Variants in CA8 observed in about 807,000 individuals in gnomAD.
CA8 encodes the protein carbonic anhydrase-related protein.
CA8 carries 22 observed loss-of-function variants against 41.4 expected under a neutral mutation model. The observed-to-expected ratio is 0.53, with a 90% CI of 0.38 to 0.76. The LOEUF (loss-of-function observed/expected upper bound fraction) is 0.76, where lower values mean the gene tolerates loss of function less well. Among genes scored for constraint, CA8 ranks in the 30% least tolerant of loss-of-function variants. The pLI is 0.00. For synonymous variants in CA8, 121 were observed against 130.6 expected, an observed-to-expected ratio of 0.93 and a Z score of 0.50; for missense variants, 270 against 352.8, an observed-to-expected ratio of 0.77 and a Z score of 1.88.
At chr8:60,266,364 T>G (rs1405134653) in intron 2 of CA8, among the ~76,000 whole-genome samples, 1 of 152,212 alleles carries the variant, frequency 6.6e-6, no homozygotes, top group Admixed American at 6.5e-5. Flanking sequence ...CCTTAGAGAT[T>G]TAAGCTTAGC....
chr8:60,279,930 G>A, intron 1 of CA8, 50 bp from the exon 2 acceptor site: 2 of 1,494,194 alleles, frequency 1.3e-6, no homozygotes, highest in Non-Finnish European at 1.8e-6. Flanking sequence ...ATAAATTACA[G>A]TAAAATTTAA....
Position 60,224,554 on chromosome 8 carries a change from G to T in CA8, c.608C>A (p.Pro203His). The change falls in exon 6 of 9, where the codon CCT becomes CAT. Residue 203 changes from proline (P) to histidine (H), a missense_variant. Pro to His is a moderately conservative substitution (Grantham distance 77, BLOSUM62 -2). Coordinates refer to ENST00000317995, the MANE Select transcript of CA8 (RefSeq NM_004056.6). ...ATACTCACCTGGTAATAAAGTGTTA[G>T]GATTAAAGCAAGGTATTGTTTTGGA... ...GKSKTIPCFN[P>H]NTLLPDPLLR... 6.3e-7 allele frequency: 1 copy of T among 1,578,974 alleles called. No homozygotes were observed. Among genetic ancestry groups the T allele is most frequent in the Non-Finnish European group, 8.7e-7 (1 of 1,148,988 alleles).
At chr8:60,240,391 A>G (rs1807980882) in intron 3 of CA8, among the ~76,000 whole-genome samples, 2 of 152,264 alleles carry the variant, frequency 1.3e-5, no homozygotes, top group Admixed American at 6.5e-5. Context: ...CAGGATTATC[A>G]GAAAACAGAC....
chr8:60,231,271 C>A (rs929124731), intron 4 of CA8, among the ~76,000 whole-genome samples: 1 of 152,086 alleles, frequency 6.6e-6, no homozygotes, highest in Non-Finnish European at 1.5e-5. Flanking sequence ...AGAGGACTCA[C>A]TGAAAAATGT....
At position 60,214,400 on chromosome 8, in the gene CA8, C is replaced by T. The variant is rs139833543; in HGVS notation, c.739-5481G>A. On this transcript the variant is annotated intron_variant, in intron 7 of 8. Coordinates refer to ENST00000317995, the MANE Select transcript of CA8 (RefSeq NM_004056.6). ...GTCTTAATACATCACATTGGCAACA[C>T]CTGAATGTCAGAGGGGACCCATTCA... 3.5e-3 allele frequency among the ~76,000 whole-genome samples: 535 copies of T among 152,284 alleles called. 2 individuals are homozygous for T. Among genetic ancestry groups the T allele is most frequent in the African/African-American group, 0.012 (481 of 41,564 alleles).
chr8:60,188,877 T>C lies in CA8; in HGVS notation c.*1144A>G, dbSNP rs1806035844. 6.6e-6 allele frequency: 1 copy of C among 152,174 alleles called. No individual in the cohort carries two copies. Among genetic ancestry groups the C allele is most frequent in the Non-Finnish European group, 1.5e-5 (1 of 68,036 alleles). 9.4% of individuals were successfully genotyped at this position (152,174 alleles called of 1,614,324 possible). A position where few individuals can be genotyped will look rare whatever the true frequency, so the allele number is the denominator to read the frequency against. On this transcript the variant is annotated 3_prime_UTR_variant, in exon 9 of 9. Transcript: ENST00000317995. ...TCTAAAAACTCTGAACATATACTTA[T>C]TCCACCTGTCTTCTATTTCTATGAC...
chr8:60,232,543 T>A, intron 3 of CA8, 164 bp from the exon 4 acceptor site: 1 of 683,954 alleles, frequency 1.5e-6, no homozygotes, highest in Non-Finnish European at 2.7e-6. Context: ...TCTGTATGAA[T>A]TCCTTCCTTC....
intron 3 of CA8, among the ~76,000 whole-genome samples, chr8:60,256,027 G>C (rs1256659430): frequency 7.4e-6 from 1 of 134,730 alleles, no homozygotes; most frequent in Non-Finnish European, 1.6e-5. Flanking sequence ...TCCTGTCTCA[G>C]CTTCCGTAGT....
At chr8:60,279,581 A>T in intron 2 of CA8, 108 bp downstream of exon 2, 1 of 939,748 alleles carries the variant, frequency 1.1e-6, no homozygotes, top group Non-Finnish European at 1.7e-6. Flanking sequence ...TCCTGAAAAT[A>T]GAGATACGTC....
At chr8:60,250,898 A>G (rs1808418383) in intron 3 of CA8, among the ~76,000 whole-genome samples, 1 of 152,184 alleles carries the variant, frequency 6.6e-6, no homozygotes, top group Admixed American at 6.5e-5. Context: ...CCAACCTACC[A>G]TTCTAAATTT....
At position 60,256,197 on chromosome 8, in the gene CA8, G is replaced by A. The variant is rs139383939; in HGVS notation, c.417+9728C>T. Among the ~76,000 whole-genome samples the A allele has an allele frequency of 9.2e-4, 140 of 152,188 alleles. 1 individual carries two copies. In the Middle Eastern group the frequency reaches 0.014, roughly 15 times the overall value. ...AATGCTAGGATTACAGGCATGAGCC[G>A]CCACACTCGGCCTAAACGGTTAATT... On this transcript the variant is annotated intron_variant, in intron 3 of 8. Coordinates refer to ENST00000317995, the MANE Select transcript of CA8 (RefSeq NM_004056.6).
Position 60,268,008 on chromosome 8 carries a change from G to A in CA8, c.293-1959C>T, listed in dbSNP as rs116989358. ...CCAAATTTGGTCTTAAGAAAAACCA[G>A]GAAGGAGACCAGGAGTCTACCCACT... On this transcript the variant is annotated intron_variant, in intron 2 of 8. Transcript: ENST00000317995. Among the ~76,000 whole-genome samples the A allele has an allele frequency of 4.5e-3, 684 of 152,122 alleles. 11 individuals carry two copies. The Middle Eastern group carries it at 0.051, about 11-fold the overall frequency.
intron 2 of CA8, among the ~76,000 whole-genome samples, chr8:60,271,180 C>T (rs183890282): frequency 2.0e-5 from 3 of 152,118 alleles, no homozygotes; most frequent in Admixed American, 2.0e-4. Flanking sequence ...CCTGTCTCTA[C>T]CAAAAATTTA....
intron 7 of CA8, 92 bp downstream of exon 7, chr8:60,222,557 G>A (rs1363138505): frequency 5.0e-6 from 4 of 803,874 alleles, no homozygotes; most frequent in African/African-American, 3.4e-5. Context: ...CTGATCTACA[G>A]GAAGCTAAAA....
Position 60,187,628 on chromosome 8 carries a change from A to G in CA8, c.*2393T>C, listed in dbSNP as rs1457997809. The G allele has an allele frequency of 6.6e-6, 1 of 152,188 alleles. No individual in the cohort carries two copies. Among genetic ancestry groups the G allele is most frequent in the East Asian group, 1.9e-4 (1 of 5,200 alleles). The allele number at this position is 152,188 out of a possible 1,614,324, so 9.4% of individuals were successfully genotyped here. On this transcript the variant is annotated 3_prime_UTR_variant, in exon 9 of 9. Coordinates refer to ENST00000317995, the MANE Select transcript of CA8 (RefSeq NM_004056.6). ...AACAAAAAAAGAGTAAACTCAAATT[A>G]TCTTAATTGGCAAACCTTCTGACAA...
intron 4 of CA8, 68 bp downstream of exon 4, chr8:60,232,216 A>C: frequency 8.0e-7 from 1 of 1,242,714 alleles, no homozygotes; most frequent in Non-Finnish European, 1.2e-6. Flanking sequence ...TGAGAATAAA[A>C]AAATTTTACA....
At chr8:60,228,560 C>T (rs1322730434) in intron 4 of CA8, among the ~76,000 whole-genome samples, 1 of 152,180 alleles carries the variant, frequency 6.6e-6, no homozygotes, top group Non-Finnish European at 1.5e-5. Context: ...GCCTGGATTC[C>T]AATCCTGACT....
intron 3 of CA8, among the ~76,000 whole-genome samples, chr8:60,263,785 T>C (rs1439100190): frequency 6.6e-6 from 1 of 152,178 alleles, no homozygotes; most frequent in Non-Finnish European, 1.5e-5. Flanking sequence ...ACCTCAGTTT[T>C]CATAGTCTCC....
At chr8:60,280,370 T>A (rs1285637610) in intron 1 of CA8, among the ~76,000 whole-genome samples, 1 of 152,202 alleles carries the variant, frequency 6.6e-6, no homozygotes, top group Non-Finnish European at 1.5e-5. Flanking sequence ...TGTACATACA[T>A]ATTCCCATAG....
Sources: allele counts gnomAD v4.1 joint callset (sites outside exome capture counted in the v4.1 genomes callset), GRCh38; gene constraint gnomAD v4.1.1; transcripts MANE v1.5; gene names NCBI Gene and HGNC (gene_info 2026-07-23, HGNC 2026-07-21).